TSPAN9: variants seen among roughly 807,000 people sequenced by gnomAD.
TSPAN9 encodes the protein tetraspanin 9.
In TSPAN9, 16 loss-of-function variants were observed where a neutral mutation model predicts 31.0. The ratio of observed to expected loss-of-function variants is 0.52; its 90% confidence interval spans 0.35 to 0.78. The LOEUF (loss-of-function observed/expected upper bound fraction) is 0.78. Ranked by LOEUF, TSPAN9 falls within the 30% of genes least tolerant of loss-of-function variation. The pLI, the probability that TSPAN9 is intolerant of heterozygous loss-of-function variation, is 0.01. For synonymous variants in TSPAN9, 145 were observed against 121.6 expected (o/e 1.19, Z -1.27); for missense variants, 272 against 312.5 (o/e 0.87, Z 0.98).
intron 2 of TSPAN9, among the ~76,000 whole-genome samples, chr12:3,144,831 AGT>A (rs1427525257): frequency 6.6e-6 from 1 of 152,242 alleles, no homozygotes; most frequent in Admixed American, 6.5e-5. Context: ...GTGCCCCTTC[AGT>A]GAGGCTTGTG....
chr12:3,150,428 G>A (rs1462391632), intron 2 of TSPAN9, among the ~76,000 whole-genome samples: 2 of 152,108 alleles, frequency 1.3e-5, no homozygotes, highest in Non-Finnish European at 2.9e-5. Context: ...AGTATATATG[G>A]GCTCTGCAGG....
chr12:3,249,540 C>T (rs148695003), intron 3 of TSPAN9, among the ~76,000 whole-genome samples: 45 of 152,352 alleles, frequency 3.0e-4, no homozygotes, highest in African/African-American at 9.1e-4. Context: ...GCTTTTCACT[C>T]GTACCTTGGT....
intron 2 of TSPAN9, 47 bp from the exon 3 acceptor site, chr12:3,201,130 C>A: frequency 6.6e-7 from 1 of 1,524,780 alleles, no homozygotes; most frequent in Middle Eastern, 1.7e-4. Context: ...CCAAAGGCAG[C>A]AAGTACGTGG....
chr12:3,180,845 A>T (rs1168629073), intron 2 of TSPAN9, among the ~76,000 whole-genome samples: 1 of 152,208 alleles, frequency 6.6e-6, no homozygotes, highest in Non-Finnish European at 1.5e-5. Context: ...ATTATTTTTC[A>T]TACTAAAATG....
At chr12:3,228,142 A>G (rs887915538) in intron 3 of TSPAN9, among the ~76,000 whole-genome samples, 2 of 152,096 alleles carry the variant, frequency 1.3e-5, no homozygotes, top group Admixed American at 6.5e-5. Flanking sequence ...TGAGGCTAGG[A>G]GTTTGAGACC....
intron 3 of TSPAN9, among the ~76,000 whole-genome samples, chr12:3,213,259 G>A (rs116051889): frequency 1.3e-5 from 2 of 152,176 alleles, no homozygotes; most frequent in African/African-American, 4.8e-5. Context: ...AGTTGCTGGC[G>A]GTGAGGATCC....
intron 2 of TSPAN9, among the ~76,000 whole-genome samples, chr12:3,088,437 G>T (rs2098301910): frequency 6.6e-6 from 1 of 152,298 alleles, no homozygotes; most frequent in East Asian, 1.9e-4. Context: ...ACTTGCTGCT[G>T]GGGATGGGTG....
At chr12:3,119,933 C>T (rs2098324307) in intron 2 of TSPAN9, among the ~76,000 whole-genome samples, 1 of 152,132 alleles carries the variant, frequency 6.6e-6, no homozygotes, top group African/African-American at 2.4e-5. Context: ...TCCACATGGG[C>T]TGGCTGTGTG....
intron 2 of TSPAN9, among the ~76,000 whole-genome samples, chr12:3,174,843 A>G (rs562354063): frequency 2.6e-5 from 4 of 152,084 alleles, no homozygotes; most frequent in South Asian, 2.1e-4. Flanking sequence ...CGGCCTCCCA[A>G]AGTGCTGGGA....
chr12:3,275,621 C>T (rs1270512631), intron 3 of TSPAN9, among the ~76,000 whole-genome samples: 1 of 152,256 alleles, frequency 6.6e-6, no homozygotes. Context: ...CAGCCTGGAG[C>T]GCCACCTAGT....
At chr12:3,122,697 GA>G (rs937416964) in intron 2 of TSPAN9, among the ~76,000 whole-genome samples, 64 of 152,308 alleles carry the variant, frequency 4.2e-4, no homozygotes, top group Middle Eastern at 3.4e-3. Flanking sequence ...CTCCTGCAGG[GA>G]GGTGGCGTCC....
At position 3,110,545 on chromosome 12, in the gene TSPAN9, T is replaced by G. The variant is rs1158843295; in HGVS notation, c.-18+26826T>G. 3.9e-5 allele frequency among the ~76,000 whole-genome samples: 6 copies of G among 152,222 alleles called. No individual in the cohort carries two copies. In the East Asian group the frequency reaches 7.7e-4, roughly 20 times the overall value. ...TTGTTTTTAACAGTCCAATGGGTGTTTTTTTTCAGCCTTGTGGGAAAGGAA... is the reference window on the plus strand; with the variant it reads ...TTGTTTTTAACAGTCCAATGGGTGTGTTTTTTCAGCCTTGTGGGAAAGGAA... On this transcript the variant is annotated intron_variant, in intron 2 of 8. Transcript: ENST00000011898.
chr12:3,215,756 T>C (rs1011072536), intron 3 of TSPAN9, among the ~76,000 whole-genome samples: 2 of 152,142 alleles, frequency 1.3e-5, no homozygotes, highest in African/African-American at 4.8e-5. Flanking sequence ...TGCCATTTGC[T>C]GCTCTCTCCA....
intron 3 of TSPAN9, among the ~76,000 whole-genome samples, chr12:3,202,023 C>G (rs1040309520): frequency 4.6e-5 from 7 of 152,178 alleles, no homozygotes; most frequent in African/African-American, 1.7e-4. Flanking sequence ...GTGCCCCTGT[C>G]CTTGGTGAGA....
chr12:3,261,609 G>C (rs1232512961), intron 3 of TSPAN9, among the ~76,000 whole-genome samples: 1 of 152,170 alleles, frequency 6.6e-6, no homozygotes, highest in African/African-American at 2.4e-5. Context: ...GATGTGACTC[G>C]GGGCATGCAT....
At chr12:3,152,705 G>A (rs112372906) in intron 2 of TSPAN9, among the ~76,000 whole-genome samples, 11 of 152,168 alleles carry the variant, frequency 7.2e-5, no homozygotes, top group South Asian at 2.1e-4. Flanking sequence ...CCCTGCCCCC[G>A]CCTCTCAAGT....
intron 2 of TSPAN9, among the ~76,000 whole-genome samples, chr12:3,096,620 C>A (rs1394069979): frequency 2.0e-5 from 3 of 152,068 alleles, no homozygotes; most frequent in Admixed American, 6.6e-5. Context: ...TAGACACTTG[C>A]TTGCTTTAAA....
chr12:3,212,049 G>A (rs1306212281), intron 3 of TSPAN9: 19 of 594,178 alleles, frequency 3.2e-5, no homozygotes, highest in Middle Eastern at 4.3e-4. Flanking sequence ...TCAGCTCATC[G>A]GAACCTCTGC....
intron 3 of TSPAN9, among the ~76,000 whole-genome samples, chr12:3,217,036 G>A (rs1218752654): frequency 6.6e-6 from 1 of 152,254 alleles, no homozygotes; most frequent in Non-Finnish European, 1.5e-5. Flanking sequence ...GACTGGCTGA[G>A]AGACTGCTCA....
Sources: allele counts gnomAD v4.1 joint callset (sites outside exome capture counted in the v4.1 genomes callset), GRCh38; gene constraint gnomAD v4.1.1; transcripts MANE v1.5; gene names NCBI Gene and HGNC (gene_info 2026-07-23, HGNC 2026-07-21).